The following RMDN2 variants were observed in gnomAD, a reference collection of about 807,000 sequenced individuals.
The protein encoded by RMDN2 is regulator of microtubule dynamics 2, also known as regulator of microtubule dynamics protein 2.
RMDN2 carries 61 observed loss-of-function variants against 52.8 expected under a neutral mutation model. The observed-to-expected ratio is 1.16, with a 90% confidence interval of 0.94 to 1.43. RMDN2 has a LOEUF of 1.43. RMDN2 is among the 40% of genes most tolerant of loss of function. The pLI is 0.00. For missense variants in RMDN2, 592 were observed against 475.3 expected, an observed-to-expected ratio of 1.25 and a Z score of -2.28; for synonymous variants, 180 against 153.1, an observed-to-expected ratio of 1.18 and a Z score of -1.30.
chr2:38,020,507 G>A (rs959856769), downstream of RMDN2, among the ~76,000 whole-genome samples: 1 of 152,192 alleles, frequency 6.6e-6, no homozygotes, highest in African/African-American at 2.4e-5. Flanking sequence ...GCGGGGAGGT[G>A]TGCAGGGAGA....
chr2:38,066,630 A>C (rs1682293047), intron 10 of RMDN2, among the ~76,000 whole-genome samples: 1 of 152,216 alleles, frequency 6.6e-6, no homozygotes, highest in Admixed American at 6.5e-5. Flanking sequence ...TCTAACAACC[A>C]CGCCTGTCTT....
chr2:38,017,830 C>G (rs962913462), downstream of RMDN2: 3 of 213,170 alleles, frequency 1.4e-5, no homozygotes, highest in African/African-American at 7.2e-5. Flanking sequence ...TGCAGGCAGA[C>G]TGAGTCCGAA....
At chr2:37,982,175 C>G (rs2125103190) in intron 5 of RMDN2, among the ~76,000 whole-genome samples, 1 of 152,302 alleles carries the variant, frequency 6.6e-6, no homozygotes, top group East Asian at 1.9e-4. Context: ...AAATGACTCC[C>G]TTTCCACAGG....
At chr2:38,003,557 T>TAGATAGAA (rs1308092822) in intron 8 of RMDN2, among the ~76,000 whole-genome samples, 4 of 144,154 alleles carry the variant, frequency 2.8e-5, no homozygotes, top group Admixed American at 2.1e-4. Context: ...GATAGATAGA[T>TAGATAGAA]AGATAGATAG....
In RMDN2 at chr2:38,050,863, G is replaced by A. The variant is rs1435885812; in HGVS notation, c.1714-16119G>A. 2.6e-5 allele frequency among the ~76,000 whole-genome samples: 4 copies of A among 152,182 alleles called. No individual in the cohort carries two copies. The East Asian group carries it at 7.7e-4, about 29-fold the overall frequency. ...AGCCTCCGCCTCCGGAGTTCAAGCA[G>A]TTCTCTCACCTCAGCATCCCACGTG... On this transcript the variant is annotated intron_variant, in intron 10 of 10. Transcript: ENST00000234195.
chr2:38,047,875 T>C (rs1465433427), intron 10 of RMDN2, among the ~76,000 whole-genome samples: 1 of 152,214 alleles, frequency 6.6e-6, no homozygotes, highest in Non-Finnish European at 1.5e-5. Context: ...TTCTATTTCC[T>C]TCTATGTCTT....
chr2:37,990,142 GA>G (rs71400335), intron 6 of RMDN2, among the ~76,000 whole-genome samples: 95 of 16,852 alleles, frequency 5.6e-3, no homozygotes, highest in East Asian at 0.019. Context: ...GACTCCGTCT[GA>G]AAAAAAAAAA....
chr2:37,941,283 C>T (rs960806825), intron 2 of RMDN2, among the ~76,000 whole-genome samples: 1 of 140,478 alleles, frequency 7.1e-6, no homozygotes, highest in South Asian at 2.3e-4. Context: ...TCCCAGAGGG[C>T]ACCCGCCAGA....
chr2:37,969,921 C>T (rs1242757467), intron 2 of RMDN2, among the ~76,000 whole-genome samples: 1 of 151,036 alleles, frequency 6.6e-6, no homozygotes, highest in Non-Finnish European at 1.5e-5. Context: ...TCCTTCCTTT[C>T]CCTTTCCTGT....
At chr2:38,051,761 A>T (rs1681615245) in intron 10 of RMDN2, among the ~76,000 whole-genome samples, 1 of 152,188 alleles carries the variant, frequency 6.6e-6, no homozygotes, top group South Asian at 2.1e-4. Flanking sequence ...CCACATATGA[A>T]TGAAGACATG....
chr2:38,058,748 C>T (rs1004369740), intron 10 of RMDN2, among the ~76,000 whole-genome samples: 1 of 152,162 alleles, frequency 6.6e-6, no homozygotes, highest in Non-Finnish European at 1.5e-5. Context: ...CTCTAAGAAG[C>T]TTTCTTTTAT....
intron 10 of RMDN2, chr2:38,030,363 T>A (rs959617181): frequency 2.0e-5 from 3 of 152,204 alleles, no homozygotes; most frequent in African/African-American, 7.2e-5. Flanking sequence ...TTATCCCATT[T>A]CTAGGCTTCA....
chr2:38,046,043 C>T (rs1456553636), intron 10 of RMDN2, among the ~76,000 whole-genome samples: 1 of 152,182 alleles, frequency 6.6e-6, no homozygotes, highest in African/African-American at 2.4e-5. Flanking sequence ...TCATATATTC[C>T]TGGTAGTCTG....
chr2:37,959,592 A>C (rs941199119), intron 2 of RMDN2, among the ~76,000 whole-genome samples: 2 of 150,782 alleles, frequency 1.3e-5, no homozygotes, highest in African/African-American at 2.5e-5. Context: ...ATCTTTTCAA[A>C]AAACCAGCTC....
chr2:38,012,335 G>A (rs1337136915), intron 10 of RMDN2, among the ~76,000 whole-genome samples: 3 of 152,130 alleles, frequency 2.0e-5, no homozygotes, highest in Admixed American at 6.5e-5. Flanking sequence ...CATTATTAAT[G>A]TGATTGTTCC....
downstream of RMDN2, among the ~76,000 whole-genome samples, chr2:38,020,201 T>A (rs1225689189): frequency 1.3e-5 from 2 of 152,086 alleles, no homozygotes; most frequent in Non-Finnish European, 2.9e-5. Flanking sequence ...ATTATTACAG[T>A]GTAATATATA....
At chr2:38,003,492 G>T (rs749605061) in intron 8 of RMDN2, among the ~76,000 whole-genome samples, 4 of 152,094 alleles carry the variant, frequency 2.6e-5, no homozygotes, top group Admixed American at 6.6e-5. Context: ...GGCGGAGGTT[G>T]CAGTGAGCTG....
chr2:38,036,890 T>C (rs1680619293), intron 10 of RMDN2: 1 of 152,312 alleles, frequency 6.6e-6, no homozygotes, highest in Non-Finnish European at 1.5e-5. Context: ...TGGTGCTGGC[T>C]ACGGTACAAA....
intron 10 of RMDN2, among the ~76,000 whole-genome samples, chr2:38,066,556 T>C (rs1052670072): frequency 1.3e-5 from 2 of 152,200 alleles, no homozygotes; most frequent in Admixed American, 1.3e-4. Flanking sequence ...GCCAGTGAAC[T>C]TCTGTTGCAC....
Sources: gnomAD v4.1 joint callset for allele counts (sites outside exome capture counted in the v4.1 genomes callset) on GRCh38, gnomAD v4.1.1 for gene constraint, MANE v1.5 for transcripts, NCBI Gene and HGNC (gene_info 2026-07-23, HGNC 2026-07-21) for gene names.